Variants in ADAM23 observed in about 807,000 individuals in gnomAD.
The protein encoded by ADAM23 is ADAM metallopeptidase domain 23.
In ADAM23, 33 loss-of-function variants were observed where a neutral mutation model predicts 120.1. The ratio of observed to expected loss-of-function variants is 0.27; its 90% CI spans 0.21 to 0.37. ADAM23 has a LOEUF of 0.37. ADAM23 is among the 10% of genes least tolerant of loss of function. The pLI is 1.00. For missense variants in ADAM23, 862 were observed against 1,058.2 expected (o/e 0.81, Z 2.57); for synonymous variants, 367 against 375.2 (o/e 0.98, Z 0.25).
intron 13 of ADAM23, 118 bp from the exon 14 acceptor site, chr2:206,564,902 A>G (rs1697846975): frequency 9.2e-7 from 1 of 1,085,502 alleles, no homozygotes; most frequent in East Asian, 2.4e-5. Flanking sequence ...TTCCGTGTCT[A>G]TTTGACTGAC....
At chr2:206,584,615 C>T (rs1198538246) in intron 18 of ADAM23, among the ~76,000 whole-genome samples, 5 of 152,064 alleles carry the variant, frequency 3.3e-5, no homozygotes, top group Admixed American at 3.3e-4. Flanking sequence ...CAAGACCCAC[C>T]CAAGGAGAGT....
At chr2:206,499,029 C>T (rs1185404309) in intron 3 of ADAM23, among the ~76,000 whole-genome samples, 1 of 152,050 alleles carries the variant, frequency 6.6e-6, no homozygotes, top group East Asian at 1.9e-4. Flanking sequence ...GAAATAGGAA[C>T]ACTTTTACAC....
At chr2:206,516,085 A>G (rs181834604) in intron 3 of ADAM23, among the ~76,000 whole-genome samples, 2 of 152,170 alleles carry the variant, frequency 1.3e-5, no homozygotes, top group East Asian at 1.9e-4. Flanking sequence ...GGACATTCGT[A>G]TATACCCACC....
intron 17 of ADAM23, among the ~76,000 whole-genome samples, chr2:206,572,600 C>T (rs917892125): frequency 6.6e-6 from 1 of 152,154 alleles, no homozygotes; most frequent in Non-Finnish European, 1.5e-5. Flanking sequence ...CCCACACCCT[C>T]CTCAAATAAA....
intron 4 of ADAM23, among the ~76,000 whole-genome samples, chr2:206,534,397 A>G (rs1697131184): frequency 6.6e-6 from 1 of 152,206 alleles, no homozygotes. Flanking sequence ...GTATTATTCA[A>G]AACATCAGGT....
At chr2:206,526,329 A>G (rs1696947752) in intron 3 of ADAM23, among the ~76,000 whole-genome samples, 1 of 152,196 alleles carries the variant, frequency 6.6e-6, no homozygotes, top group South Asian at 2.1e-4. Context: ...AGATTTCTAA[A>G]AGATATTTGT....
chr2:206,465,299 C>T (rs991949479), intron 2 of ADAM23, among the ~76,000 whole-genome samples: 13 of 152,168 alleles, frequency 8.5e-5, no homozygotes, highest in Non-Finnish European at 1.3e-4. Context: ...CTCAGCCTCC[C>T]GAAGAATTGA....
chr2:206,469,102 T>C (rs1007546437), intron 2 of ADAM23, among the ~76,000 whole-genome samples: 2 of 152,300 alleles, frequency 1.3e-5, no homozygotes, highest in African/African-American at 2.4e-5. Flanking sequence ...ACCTCCAACA[T>C]TGGGGATTAC....
chr2:206,577,517 G>GT (rs1698137945), intron 18 of ADAM23, among the ~76,000 whole-genome samples: 1 of 140,832 alleles, frequency 7.1e-6, no homozygotes, highest in African/African-American at 2.7e-5. Context: ...GCAGTGTTTG[G>GT]TTTTTTGTTC....
chr2:206,563,992 AG>A (rs1449421860), intron 13 of ADAM23, among the ~76,000 whole-genome samples: 1 of 152,042 alleles, frequency 6.6e-6, no homozygotes, highest in Non-Finnish European at 1.5e-5. Flanking sequence ...GGCCTCCCAT[AG>A]TGCTGGGATT....
chr2:206,618,604 A>G lies in ADAM23; in HGVS notation c.*977A>G, dbSNP rs920433536. ...CTTCTCTCTTGTAACGTGTTATACAATGACTCTTGGGCTTGCTTAAAAAGA... is the reference window on the plus strand; with the variant it reads ...CTTCTCTCTTGTAACGTGTTATACAGTGACTCTTGGGCTTGCTTAAAAAGA... On this transcript the variant is annotated 3_prime_UTR_variant, in exon 26 of 26. Transcript: ENST00000264377. 6.6e-6 allele frequency: 1 copy of G among 152,110 alleles called. No homozygotes were observed. Among genetic ancestry groups the G allele is most frequent in the African/African-American group, 2.4e-5 (1 of 41,402 alleles). 9.4% of individuals were successfully genotyped at this position (152,110 alleles called of 1,614,324 possible).
chr2:206,475,464 T>C (rs2105872638), intron 2 of ADAM23, among the ~76,000 whole-genome samples: 1 of 152,172 alleles, frequency 6.6e-6, no homozygotes, highest in East Asian at 1.9e-4. Flanking sequence ...ACCTCTGTGA[T>C]TGAAAAGAAG....
chr2:206,481,112 G>T, intron 2 of ADAM23, 120 bp from the exon 3 acceptor site: 2 of 624,798 alleles, frequency 3.2e-6, no homozygotes, highest in Non-Finnish European at 5.2e-6. Flanking sequence ...GCTATATGAT[G>T]ATACATAAGG....
At chr2:206,576,406 G>T (rs1698113324) in intron 18 of ADAM23, among the ~76,000 whole-genome samples, 1 of 151,944 alleles carries the variant, frequency 6.6e-6, no homozygotes, top group African/African-American at 2.4e-5. Context: ...ATATTCTATT[G>T]TCTAAGTAAA....
rs896663462 is a variant in ADAM23 at position 206,600,514 on chromosome 2, C to A, written c.2359+4352C>A. On this transcript the variant is annotated intron_variant, in intron 24 of 25. Transcript: ENST00000264377. ...ACATGGGCATAAAAGATAAATTGTACCCAACTGCCCTTTGGATCAAGACCA... is the reference window on the plus strand; with the variant it reads ...ACATGGGCATAAAAGATAAATTGTAACCAACTGCCCTTTGGATCAAGACCA... Among the ~76,000 whole-genome samples the A allele has an allele frequency of 5.3e-5, 8 of 152,034 alleles. No individual in the cohort carries two copies. In the East Asian group the frequency reaches 1.5e-3, roughly 29 times the overall value.
intron 8 of ADAM23, among the ~76,000 whole-genome samples, chr2:206,548,614 G>T (rs374123688): frequency 6.6e-6 from 1 of 152,068 alleles, no homozygotes; most frequent in South Asian, 2.1e-4. Context: ...TTTTAGCTCT[G>T]TTTTCTACGT....
chr2:206,598,893 C>G (rs1386061660), intron 24 of ADAM23, among the ~76,000 whole-genome samples: 1 of 150,938 alleles, frequency 6.6e-6, no homozygotes. Flanking sequence ...GAGTGAGACA[C>G]TGAGCCCCCT....
At chr2:206,594,705 A>G in intron 22 of ADAM23, 32 bp from the exon 23 acceptor site, 1 of 1,612,712 alleles carries the variant, frequency 6.2e-7, no homozygotes, top group African/African-American at 1.3e-5. Flanking sequence ...AGTGTGGTGC[A>G]AATAGTTATA....
At chr2:206,463,355 A>G (rs1467124911) in intron 2 of ADAM23, among the ~76,000 whole-genome samples, 1 of 152,224 alleles carries the variant, frequency 6.6e-6, no homozygotes, top group African/African-American at 2.4e-5. Context: ...CAAGGAATAC[A>G]GACAGCCTTT....
Sources: gnomAD v4.1 joint callset for allele counts (sites outside exome capture counted in the v4.1 genomes callset) on GRCh38, gnomAD v4.1.1 for gene constraint, MANE v1.5 for transcripts, NCBI Gene and HGNC (gene_info 2026-07-23, HGNC 2026-07-21) for gene names.